UBE4A: variants seen among roughly 807,000 people sequenced by gnomAD.
The protein encoded by UBE4A is ubiquitin conjugation factor E4 A.
In UBE4A, 48 loss-of-function variants were observed where a neutral mutation model predicts 117.9. The observed-to-expected ratio is 0.41, with a 90% CI of 0.32 to 0.52. The LOEUF is 0.52. Ranked by LOEUF, UBE4A falls within the 20% of genes least tolerant of loss-of-function variation. The pLI is 0.33. For synonymous variants in UBE4A, 407 were observed against 450.0 expected (o/e 0.90, Z 1.21); for missense variants, 1,067 against 1,296.3 (o/e 0.82, Z 2.72).
intron 16 of UBE4A, 58 bp downstream of exon 16, chr11:118,386,670 T>C: frequency 1.4e-6 from 2 of 1,467,668 alleles, no homozygotes; most frequent in Non-Finnish European, 1.8e-6. Flanking sequence ...TCAGCTTCAC[T>C]TGGGGGATCA....
At chr11:118,372,312 G>A (rs893413721) in intron 5 of UBE4A, among the ~76,000 whole-genome samples, 195 bp from the exon 6 acceptor site, 1 of 152,160 alleles carries the variant, frequency 6.6e-6, no homozygotes, top group Non-Finnish European at 1.5e-5. Flanking sequence ...ATTAGAGTAG[G>A]CTAAGCCGGA....
Position 118,392,819 on chromosome 11 carries a change from C to A in UBE4A, c.2998C>A (p.Leu1000Met), listed in dbSNP as rs151219737. The A allele has an allele frequency of 2.5e-6, 4 of 1,614,146 alleles. No homozygotes were observed. The highest frequency in any genetic ancestry group is 3.4e-6 in the Non-Finnish European group (4 of 1,180,010). ...GTTCCTGGATCCCATTATGAGCACA[C>A]TGATGTGTGACCCTGTGGTGCTGCC... ...DEFLDPIMST[L>M]MCDPVVLPSS... Residue 1000 changes from leucine (L) to methionine (M), a missense_variant, in exon 19 of 20, where the codon CTG becomes ATG. Leu to Met is a conservative substitution (Grantham distance 15, BLOSUM62 2). Coordinates refer to ENST00000252108, the MANE Select transcript of UBE4A (RefSeq NM_001204077.2).
At chr11:118,374,824 G>T in intron 8 of UBE4A, 72 bp from the exon 9 acceptor site, 1 of 1,382,256 alleles carries the variant, frequency 7.2e-7, no homozygotes, top group Non-Finnish European at 9.5e-7. Flanking sequence ...GAAACTGCCA[G>T]TTGCTAAGGT....
At position 118,396,835 on chromosome 11, in the gene UBE4A, AATATGTGATGTCAC is replaced by A. The variant is rs1555129874; in HGVS notation, c.*400_*413del. 1 of 179,622 alleles carries A rather than the reference AATATGTGATGTCAC, an allele frequency of 5.6e-6. No homozygotes were observed. Among genetic ancestry groups the A allele is most frequent in the Non-Finnish European group, 1.1e-5 (1 of 87,818 alleles). The allele number at this position is 179,622 out of a possible 1,614,324, so 11.1% of individuals were successfully genotyped here. ...ATTTTTGGTGAGTGCTGCTTTTATA[AATATGTGATGTCAC>A]ATATTTCAGTGACAGCTGATGTTAT... On this transcript the variant is annotated 3_prime_UTR_variant, in exon 20 of 20. Coordinates refer to ENST00000252108, the MANE Select transcript of UBE4A (RefSeq NM_001204077.2).
At position 118,359,687 on chromosome 11, in the gene UBE4A, A is replaced by G. The variant is rs965653952; in HGVS notation, c.-42+13A>G. ...ACTTCAGGCTCTGGTAAGACAGGCA[A>G]TAGCTTCAGGGGACGGGGTCGTTGA... is the stretch of plus-strand genomic sequence containing the variant. On this transcript the variant is annotated intron_variant, in intron 1 of 19. Transcript: ENST00000252108. The G allele has an allele frequency of 1.3e-5, 2 of 152,220 alleles. No homozygotes were observed. Among genetic ancestry groups the G allele is most frequent in the African/African-American group, 4.8e-5 (2 of 41,456 alleles). 9.4% of individuals were successfully genotyped at this position (152,220 alleles called of 1,614,324 possible). A position where few individuals can be genotyped will look rare whatever the true frequency, so the allele number is the denominator to read the frequency against.
intron 2 of UBE4A, 92 bp from the exon 3 acceptor site, chr11:118,368,539 A>T: frequency 3.8e-6 from 5 of 1,300,836 alleles, no homozygotes; most frequent in Non-Finnish European, 5.4e-6. Flanking sequence ...ATCTGAAATT[A>T]TCATCTTCTT....
At chr11:118,369,614 T>C (rs929521748) in intron 4 of UBE4A, 79 bp downstream of exon 4, 5 of 1,054,376 alleles carry the variant, frequency 4.7e-6, no homozygotes, top group Non-Finnish European at 5.8e-6. Context: ...GTTCTCCAAC[T>C]TATGCTTGTG....
At chr11:118,371,390 C>G in intron 4 of UBE4A, 124 bp from the exon 5 acceptor site, 1 of 1,220,476 alleles carries the variant, frequency 8.2e-7, no homozygotes, top group Non-Finnish European at 1.1e-6. Flanking sequence ...CTTTTTTTCT[C>G]CTTCACTCTA....
At chr11:118,372,832 G>A in intron 6 of UBE4A, 166 bp downstream of exon 6, 1 of 1,084,558 alleles carries the variant, frequency 9.2e-7, no homozygotes, top group Admixed American at 2.7e-5. Flanking sequence ...ATAAAGCTGG[G>A]CATGGTAGCA....
intron 4 of UBE4A, 140 bp from the exon 5 acceptor site, chr11:118,371,374 A>T: frequency 9.8e-7 from 1 of 1,018,944 alleles, no homozygotes; most frequent in Admixed American, 2.9e-5. Flanking sequence ...AAAAATATAC[A>T]GGGCCCTTTT....
intron 9 of UBE4A, among the ~76,000 whole-genome samples, chr11:118,376,120 A>G (rs1331111968): frequency 6.6e-6 from 1 of 152,196 alleles, no homozygotes; most frequent in African/African-American, 2.4e-5. Context: ...GAAATGGATC[A>G]AGGGAGGAAG....
intron 8 of UBE4A, among the ~76,000 whole-genome samples, chr11:118,373,939 C>T (rs1055110291): frequency 6.6e-6 from 1 of 151,758 alleles, no homozygotes; most frequent in African/African-American, 2.4e-5. Flanking sequence ...CAGTGAGACC[C>T]CCATGTCTAC....
intron 1 of UBE4A, among the ~76,000 whole-genome samples, chr11:118,361,461 G>C (rs1044266455): frequency 6.6e-6 from 1 of 152,076 alleles, no homozygotes; most frequent in Non-Finnish European, 1.5e-5. Context: ...ATCTAAACTG[G>C]CATCTCCACA....
At chr11:118,369,616 A>AG in intron 4 of UBE4A, 81 bp downstream of exon 4, 1 of 905,480 alleles carries the variant, frequency 1.1e-6, no homozygotes. Flanking sequence ...TCTCCAACTT[A>AG]TGCTTGTGTC....
At position 118,384,947 on chromosome 11, in the gene UBE4A, TAAAA is replaced by T. The variant is rs370025001; in HGVS notation, c.2412+20_2412+23del. 0.017 allele frequency: 17,715 copies of T among 1,035,504 alleles called. No homozygotes were observed. The highest frequency in any genetic ancestry group is 0.019 in the East Asian group (674 of 35,942). 64.1% of individuals were successfully genotyped at this position (1,035,504 alleles called of 1,614,324 possible). A position where few individuals can be genotyped will look rare whatever the true frequency, so the allele number is the denominator to read the frequency against. On this transcript the variant is annotated splice_donor_5th_base_variant and intron_variant, in intron 15 of 19. Coordinates refer to ENST00000252108, the MANE Select transcript of UBE4A (RefSeq NM_001204077.2). ...TTCCTTTTGGATGAAGCCATACAGGTAAAAAAAAAAAAAAAAAAAAAGATTTAAC... is the reference window on the plus strand; with the variant it reads ...TTCCTTTTGGATGAAGCCATACAGGTAAAAAAAAAAAAAAAAAGATTTAAC...
intron 11 of UBE4A, among the ~76,000 whole-genome samples, chr11:118,380,755 T>A (rs1199767644): frequency 6.6e-6 from 1 of 152,108 alleles, no homozygotes; most frequent in Non-Finnish European, 1.5e-5. Flanking sequence ...CCCAGTCATG[T>A]GGTTGTTGAC....
At chr11:118,393,397 C>T (rs887886352) in intron 19 of UBE4A, among the ~76,000 whole-genome samples, 1 of 152,144 alleles carries the variant, frequency 6.6e-6, no homozygotes, top group Admixed American at 6.5e-5. Flanking sequence ...AGCCTGGGCT[C>T]AGGTGATCCT....
chr11:118,384,879 A>G lies in UBE4A; in HGVS notation c.2346A>G (p.Pro782=). Residue 782 remains proline (P), a synonymous_variant, in exon 15 of 20, where the codon CCA becomes CCG. Coordinates refer to ENST00000252108, the MANE Select transcript of UBE4A (RefSeq NM_001204077.2). The part of the protein sequence containing the change: ...ASKNLEAMNP[P]LFLRFLNLLM... ...AGAATTTAGAAGCCATGAATCCCCC[A>G]CTTTTCCTCCGCTTTCTTAACCTGC... The G allele has an allele frequency of 6.2e-7, 1 of 1,608,152 alleles. No individual in the cohort carries two copies. The highest frequency in any genetic ancestry group is 1.1e-5 in the South Asian group (1 of 90,900).
At position 118,372,781 on chromosome 11, in the gene UBE4A, G is replaced by A. The variant is rs533424279; in HGVS notation, c.721+115G>A. On this transcript the variant is annotated intron_variant, in intron 6 of 19. Coordinates refer to ENST00000252108, the MANE Select transcript of UBE4A (RefSeq NM_001204077.2). ...TATGGTTCTGGTATAAATTAAGGAG[G>A]AGGGCTCACATCTTGATCTTTGAGG... 6 of 1,457,152 alleles carry A rather than the reference G, an allele frequency of 4.1e-6. No individual in the cohort carries two copies. The African/African-American group carries it at 4.3e-5, about 10-fold the overall frequency. The allele number at this position is 1,457,152 out of a possible 1,614,324, so 90.3% of individuals were successfully genotyped here.
Sources: gnomAD v4.1 joint callset for allele counts (sites outside exome capture counted in the v4.1 genomes callset) on GRCh38, gnomAD v4.1.1 for gene constraint, MANE v1.5 for transcripts, NCBI Gene and HGNC (gene_info 2026-07-23, HGNC 2026-07-21) for gene names.